Variants in RPS14 observed in about 807,000 individuals in gnomAD.
RPS14 encodes the protein ribosomal protein S14, also known as small ribosomal subunit protein uS11.
A neutral mutation model predicts 15.4 loss-of-function variants in RPS14; 1 was observed. That is an observed-to-expected ratio of 0.07 (90% confidence interval 0.02 to 0.31). The LOEUF is 0.31. Among genes scored for constraint, RPS14 ranks in the 10% least tolerant of loss-of-function variants. The pLI is 1.00. For synonymous variants in RPS14, 68 were observed against 74.4 expected (o/e 0.91, Z 0.44); for missense variants, 69 against 205.5 (o/e 0.34, Z 4.06).
rs945905867 is a variant in RPS14, at chr5:150,443,176, T to C, written c.*1110A>G. ...TTTTTTGCAAGCTTTTTTTTTTTAT[T>C]ATACTTTAAGTTTTAGGGTACATGT... On this transcript the variant is annotated 3_prime_UTR_variant, in exon 5 of 5. Transcript: ENST00000407193. The C allele has an allele frequency of 1.8e-4, 23 of 126,978 alleles. No homozygotes were observed. The highest frequency in any genetic ancestry group is 5.2e-4 in the African/African-American group (20 of 38,450). The allele number at this position is 126,978 out of a possible 1,614,324, so 7.9% of individuals were successfully genotyped here.
Position 150,443,843 on chromosome 5 carries a change from GAAAAA to G in RPS14, c.*438_*442del, listed in dbSNP as rs1162881602. ...GAACAATCTCCAAGATCTGCCAAGT[GAAAAA>G]AAGCAAGACGCAGTGGAGTGAGCTC... On this transcript the variant is annotated 3_prime_UTR_variant, in exon 5 of 5. Transcript: ENST00000407193. 6.5e-6 allele frequency: 1 copy of G among 152,818 alleles called. No homozygotes were observed. The highest frequency in any genetic ancestry group is 1.5e-5 in the Non-Finnish European group (1 of 68,494). The allele number at this position is 152,818 out of a possible 1,614,324, so 9.5% of individuals were successfully genotyped here.
At chr5:150,445,717 C>T (rs1365097195) in intron 3 of RPS14, 32 bp from the exon 4 acceptor site, 1 of 1,557,588 alleles carries the variant, frequency 6.4e-7, no homozygotes, top group African/African-American at 1.4e-5. Flanking sequence ...TAAGAAGAGC[C>T]TTTGGCCAAG....
chr5:150,448,167 G>A (rs1008223800), intron 1 of RPS14: 1 of 157,612 alleles, frequency 6.3e-6, no homozygotes, highest in Non-Finnish European at 1.4e-5. Flanking sequence ...TAGAATTCAA[G>A]GGACCCTTAC....
In RPS14 at chr5:150,444,219, A is replaced by C; in HGVS notation, c.*67T>G. On this transcript the variant is annotated 3_prime_UTR_variant, in exon 5 of 5. Coordinates refer to ENST00000407193, the MANE Select transcript of RPS14 (RefSeq NM_005617.4). ...CTGAGTAGCCCCTGATGAAGGAGAG[A>C]AGGCTGGAGTTGAAACAGTTTACAT... 1 of 1,546,070 alleles carries C rather than the reference A, an allele frequency of 6.5e-7. No individual in the cohort carries two copies. The highest frequency in any genetic ancestry group is 8.8e-7 in the Non-Finnish European group (1 of 1,142,172).
In RPS14 at chr5:150,444,101, G is replaced by A. The variant is rs1771017116; in HGVS notation, c.*185C>T. On this transcript the variant is annotated 3_prime_UTR_variant, in exon 5 of 5. Coordinates refer to ENST00000407193, the MANE Select transcript of RPS14 (RefSeq NM_005617.4). The stretch of plus-strand genomic sequence containing the variant: ...CCAAGGCAACTTAATGCCGCAAGTA[G>A]CATGGAAAAGACCCCAAATGCAGCA... 1 of 853,236 alleles carries A rather than the reference G, an allele frequency of 1.2e-6. No individual in the cohort carries two copies. Among genetic ancestry groups the A allele is most frequent in the Admixed American group, 3.5e-5 (1 of 28,352 alleles). 52.9% of individuals were successfully genotyped at this position (853,236 alleles called of 1,614,324 possible).
chr5:150,447,821 C>A (rs1771147886), intron 1 of RPS14, 86 bp from the exon 2 acceptor site: 7 of 1,391,970 alleles, frequency 5.0e-6, no homozygotes, highest in Non-Finnish European at 4.0e-6. Context: ...AAACCCTAGT[C>A]CTGCTTCATG....
At position 150,443,733 on chromosome 5, in the gene RPS14, ACTTTT is replaced by A. The variant is rs1396867705; in HGVS notation, c.*548_*552del. ...GCATGCAAGCTTCCGGAAAGCAAGAACTTTTCTTTTTTATCGCTGATGAAAATAGG... is the reference window on the plus strand; with the variant it reads ...GCATGCAAGCTTCCGGAAAGCAAGAACTTTTTTATCGCTGATGAAAATAGG... On this transcript the variant is annotated 3_prime_UTR_variant, in exon 5 of 5. Coordinates refer to ENST00000407193, the MANE Select transcript of RPS14 (RefSeq NM_005617.4). 6 of 152,246 alleles carry A rather than the reference ACTTTT, an allele frequency of 3.9e-5. No individual in the cohort carries two copies. The highest frequency in any genetic ancestry group is 1.4e-4 in the African/African-American group (6 of 41,456). The allele number at this position is 152,246 out of a possible 1,614,324, so 9.4% of individuals were successfully genotyped here.
At chr5:150,445,435 A>T (rs1771063298) in intron 4 of RPS14, 174 bp downstream of exon 4, 2 of 716,876 alleles carry the variant, frequency 2.8e-6, no homozygotes. Context: ...AAGGTGACAG[A>T]GATATTCAGG....
intron 4 of RPS14, 184 bp from the exon 5 acceptor site, chr5:150,444,537 C>T (rs542719851): frequency 8.9e-6 from 6 of 673,626 alleles, no homozygotes; most frequent in Admixed American, 6.6e-5. Flanking sequence ...AATTTCCTGA[C>T]GTGGTCTTAA....
intron 2 of RPS14, chr5:150,447,201 C>T: frequency 1.8e-6 from 1 of 555,472 alleles, no homozygotes; most frequent in Non-Finnish European, 3.2e-6. Flanking sequence ...GTAGACATTA[C>T]TGTCCTAATT....
intron 4 of RPS14, 84 bp downstream of exon 4, chr5:150,445,525 T>G (rs1418247580): frequency 1.5e-6 from 2 of 1,315,334 alleles, no homozygotes; most frequent in Non-Finnish European, 2.2e-6. Context: ...GACCAGCCGC[T>G]GCACATCCAC....
In RPS14 at chr5:150,446,054, T is replaced by G. The variant is rs573231433; in HGVS notation, c.312-369A>C. On this transcript the variant is annotated intron_variant, in intron 3 of 4. Transcript: ENST00000407193. The surrounding 1 kb of genome is among the most constrained non-coding windows in gnomAD (Gnocchi z 4.2). ...CTGCAGTAAGCTGAGATAGCGCCAC[T>G]GCACTCCAGCCTGGGTGAGAGTGAG... is the stretch of plus-strand genomic sequence containing the variant. Among the ~76,000 whole-genome samples, 47 of 151,356 alleles carry G rather than the reference T, an allele frequency of 3.1e-4. 1 individual carries two copies. The highest frequency in any genetic ancestry group is 1.5e-5 in the Non-Finnish European group (1 of 67,896).
chr5:150,445,413 G>A (rs937971822), intron 4 of RPS14, 196 bp downstream of exon 4: 2 of 707,526 alleles, frequency 2.8e-6, no homozygotes, highest in African/African-American at 3.5e-5. Context: ...AATGAAACAG[G>A]ACATTCATAT....
rs1391083786 is a variant in RPS14 at position 150,446,848 on chromosome 5, C to G, written c.265G>C (p.Gly89Arg). The change falls in exon 3 of 5, where the codon GGT becomes CGT. Residue 89 changes from glycine to arginine, a missense_variant. Transcript: ENST00000407193. The surrounding 1 kb of genome is among the most constrained non-coding windows in gnomAD (Gnocchi z 4.2). ...AGTTTGATGTGTAGGGCGGTGATAC[C>G]CAGCTCCTTGCACCTCTGGGCCACA... is the stretch of plus-strand genomic sequence containing the variant. ...QDVAQRCKEL[G>R]ITALHIKLRA... 2.5e-6 allele frequency: 4 copies of G among 1,614,134 alleles called. No individual in the cohort carries two copies. Among genetic ancestry groups the G allele is most frequent in the Non-Finnish European group, 3.4e-6 (4 of 1,180,022 alleles).
chr5:150,444,380 T>A lies in RPS14; in HGVS notation c.389-27A>T, dbSNP rs769682016. On this transcript the variant is annotated intron_variant, in intron 4 of 4. Transcript: ENST00000407193. ...TGTGGGGAGGAAGAGAAAGCGTCAT[T>A]GCCTGGAGCTGGATGGGAAGGGCCC... is the stretch of plus-strand genomic sequence containing the variant. 4 of 1,598,392 alleles carry A rather than the reference T, an allele frequency of 2.5e-6. No homozygotes were observed. In the South Asian group the frequency reaches 3.3e-5, roughly 13 times the overall value.
In RPS14 at chr5:150,446,759, AG is replaced by A; in HGVS notation, c.311+42del. 6.3e-7 allele frequency: 1 copy of A among 1,596,090 alleles called. No homozygotes were observed. The highest frequency in any genetic ancestry group is 8.5e-7 in the Non-Finnish European group (1 of 1,169,608). ...TCCAGGTGCTCCAGCACCCAAGCCC[AG>A]CAGGTTTTCTACCACCCAGCCATCC... On this transcript the variant is annotated intron_variant, in intron 3 of 4. Transcript: ENST00000407193. The surrounding 1 kb of genome is among the most constrained non-coding windows in gnomAD (Gnocchi z 4.2).
At position 150,446,771 on chromosome 5, in the gene RPS14, A is replaced by G; in HGVS notation, c.311+31T>C. The G allele has an allele frequency of 6.2e-7, 1 of 1,602,684 alleles. No homozygotes were observed. Among genetic ancestry groups the G allele is most frequent in the Non-Finnish European group, 8.5e-7 (1 of 1,173,516 alleles). ...AGCACCCAAGCCCAGCAGGTTTTCT[A>G]CCACCCAGCCATCCCCTCTGCGACT... On this transcript the variant is annotated intron_variant, in intron 3 of 4. Coordinates refer to ENST00000407193, the MANE Select transcript of RPS14 (RefSeq NM_005617.4). This position sits in a 1 kb window ranked among gnomAD's most constrained non-coding sequence, Gnocchi z 4.2.
At chr5:150,444,744 C>CA in intron 4 of RPS14, 1 of 435,078 alleles carries the variant, frequency 2.3e-6, no homozygotes, top group Non-Finnish European at 4.6e-6. Context: ...TAAGGCTGGG[C>CA]GCGGTGGCTC....
chr5:150,446,755 G>A lies in RPS14; in HGVS notation c.311+47C>T, dbSNP rs1771110762. On this transcript the variant is annotated intron_variant, in intron 3 of 4. Coordinates refer to ENST00000407193, the MANE Select transcript of RPS14 (RefSeq NM_005617.4). This position sits in a 1 kb window ranked among gnomAD's most constrained non-coding sequence, Gnocchi z 4.2. ...CAAATCCAGGTGCTCCAGCACCCAA[G>A]CCCAGCAGGTTTTCTACCACCCAGC... 1 of 1,591,684 alleles carries A rather than the reference G, an allele frequency of 6.3e-7. No homozygotes were observed. Among genetic ancestry groups the A allele is most frequent in the South Asian group, 1.1e-5 (1 of 88,352 alleles).
Sources: gnomAD v4.1 joint callset for allele counts (sites outside exome capture counted in the v4.1 genomes callset) on GRCh38, gnomAD v4.1.1 for gene constraint, Gnocchi (gnomAD v3.1) non-coding constraint, MANE v1.5 for transcripts, NCBI Gene and HGNC (gene_info 2026-07-23, HGNC 2026-07-21) for gene names.